UCP3: variants seen among roughly 807,000 people sequenced by gnomAD.
The protein encoded by UCP3 is uncoupling protein 3, also known as putative mitochondrial transporter UCP3.
A neutral mutation model predicts 28.1 loss-of-function variants in UCP3; 24 were observed. The observed-to-expected ratio is 0.85, with a 90% confidence interval of 0.62 to 1.20. The LOEUF (loss-of-function observed/expected upper bound fraction) is 1.20, where lower values mean the gene tolerates loss of function less well. UCP3 is among the 50% of genes most tolerant of loss of function. The probability of loss-of-function intolerance (pLI) is 0.00; values close to 1 mark genes in which losing one functional copy is unlikely to be tolerated. For synonymous variants in UCP3, 184 were observed against 171.2 expected (o/e 1.07, Z -0.59); for missense variants, 397 against 422.2 (o/e 0.94, Z 0.52).
intron 5 of UCP3, 51 bp downstream of exon 5, chr11:74,004,433 G>A: frequency 6.4e-7 from 1 of 1,569,770 alleles, no homozygotes; most frequent in Non-Finnish European, 8.8e-7. Flanking sequence ...CGGAGTTCTG[G>A]GTTCCCTCCC....
At position 74,004,668 on chromosome 11, in the gene UCP3, A is replaced by C. The variant is rs968730816; in HGVS notation, c.542-83T>G. 3 of 1,363,394 alleles carry C rather than the reference A, an allele frequency of 2.2e-6. No homozygotes were observed. In the Admixed American group the frequency reaches 5.4e-5, roughly 24 times the overall value. 84.5% of individuals were successfully genotyped at this position (1,363,394 alleles called of 1,614,324 possible). On this transcript the variant is annotated intron_variant, in intron 4 of 6. Coordinates refer to ENST00000314032, the MANE Select transcript of UCP3 (RefSeq NM_003356.4). ...TGGGAGAAATGGATGCCCTGGCTGC[A>C]AGGCCACAGGCCCCAGTTTTGGGGC...
At chr11:74,002,620 T>C (rs1352727422) in intron 6 of UCP3, 1 of 358,108 alleles carries the variant, frequency 2.8e-6, no homozygotes, top group Non-Finnish European at 3.9e-6. Flanking sequence ...CACCAACTTA[T>C]CTGCTGCTCT....
chr11:74,003,570 C>T, intron 6 of UCP3: 1 of 1,208,538 alleles, frequency 8.3e-7, no homozygotes, highest in South Asian at 2.5e-5. Flanking sequence ...CTCAGGATTG[C>T]TAACTTCCTC....
chr11:74,003,783 C>T (rs1352576533), intron 6 of UCP3, 44 bp downstream of exon 6: 5 of 1,534,332 alleles, frequency 3.3e-6, no homozygotes, highest in Non-Finnish European at 4.4e-6. Context: ...AGAAAGAAGC[C>T]CCTGTTCTCT....
In UCP3 at chr11:74,005,772, T is replaced by G. The variant is rs1383233993; in HGVS notation, c.499A>C (p.Arg167=). ...RKYSGTMDAY[R]TIAREEGVRG... is the part of the protein sequence containing the mutation. ...ACTCCTTCCTCCCTGGCGATGGTTC[T>G]GTAGGCGTCCATAGTCCCGCTGTAT... The change falls in exon 4 of 7, where the codon AGA becomes CGA. Residue 167 remains arginine (R), a synonymous_variant. Coordinates refer to ENST00000314032, the MANE Select transcript of UCP3 (RefSeq NM_003356.4). 2.5e-6 allele frequency: 4 copies of G among 1,614,122 alleles called. No homozygotes were observed. The highest frequency in any genetic ancestry group is 3.3e-4 in the Middle Eastern group (2 of 6,084).
chr11:74,005,318 C>G (rs1419717745), intron 4 of UCP3, among the ~76,000 whole-genome samples: 1 of 152,198 alleles, frequency 6.6e-6, no homozygotes, highest in Non-Finnish European at 1.5e-5. Flanking sequence ...GGCCCCTCCC[C>G]TTCCGTCTCC....
rs550813773 is a variant in UCP3 at position 74,001,635 on chromosome 11, C to T, written c.825-109G>A. On this transcript the variant is annotated intron_variant, in intron 6 of 6. Coordinates refer to ENST00000314032, the MANE Select transcript of UCP3 (RefSeq NM_003356.4). ...GTGCCAGAGGATCCAGACTTCTGTT[C>T]ATCACAAGCATTTTCTGAATCCTTT... 32 of 907,244 alleles carry T rather than the reference C, an allele frequency of 3.5e-5. 1 individual carries two copies. The South Asian group carries it at 3.5e-4, about 10-fold the overall frequency. The allele number at this position is 907,244 out of a possible 1,614,324, so 56.2% of individuals were successfully genotyped here. A position where few individuals can be genotyped will look rare whatever the true frequency, so the allele number is the denominator to read the frequency against.
At chr11:74,007,882 C>A (rs1436975178) in intron 1 of UCP3, among the ~76,000 whole-genome samples, 1 of 152,142 alleles carries the variant, frequency 6.6e-6, no homozygotes, top group African/African-American at 2.4e-5. Context: ...CTCTCCTAGA[C>A]CCCTAGCAGC....
chr11:74,003,077 GGCT>G, intron 6 of UCP3: 1 of 436,446 alleles, frequency 2.3e-6, no homozygotes, highest in Non-Finnish European at 3.0e-6. Flanking sequence ...CAGTTCAAGG[GGCT>G]GTTGGGATAA....
intron 4 of UCP3, among the ~76,000 whole-genome samples, chr11:74,005,304 T>C (rs73552726): frequency 0.019 from 2,822 of 152,218 alleles, 77 homozygotes; most frequent in African/African-American, 0.063. Flanking sequence ...GGACCCTGCT[T>C]GAGGGCCCCT....
Position 74,003,884 on chromosome 11 carries a change from G to C in UCP3, c.767C>G (p.Pro256Arg), listed in dbSNP as rs564695156. The C allele has an allele frequency of 7.6e-5, 122 of 1,614,130 alleles. 1 individual carries two copies. In the South Asian group the frequency reaches 1.3e-3, roughly 17 times the overall value. ...CACCATCTTTATCATACAGTCGAGGGGGCTGAAGTACTGGCCTGGAGGTGA... is the reference window on the plus strand; with the variant it reads ...CACCATCTTTATCATACAGTCGAGGCGGCTGAAGTACTGGCCTGGAGGTGA... ...MNSPPGQYFSPLDCMIKMVAQ... is the reference protein window; with the variant it reads ...MNSPPGQYFSRLDCMIKMVAQ... The change falls in exon 6 of 7, where the codon CCC (proline) becomes CGC (arginine). Residue 256 changes from proline to arginine, a missense_variant. Physicochemically the swap from Pro to Arg is moderately radical, Grantham distance 103. Transcript: ENST00000314032.
intron 6 of UCP3, chr11:74,001,811 C>T (rs1305599557): frequency 2.5e-6 from 1 of 405,920 alleles, no homozygotes; most frequent in Admixed American, 3.9e-5. Flanking sequence ...TGCTGCCAGG[C>T]TCTTTTTCAC....
At chr11:74,001,607 GT>G in intron 6 of UCP3, 81 bp from the exon 7 acceptor site, 1 of 1,234,300 alleles carries the variant, frequency 8.1e-7, no homozygotes, top group South Asian at 1.2e-5. Context: ...GGACACAGTG[GT>G]AGTGCCAGAG....
At chr11:74,005,499 T>C (rs1315610612) in intron 4 of UCP3, among the ~76,000 whole-genome samples, 2 of 152,216 alleles carry the variant, frequency 1.3e-5, no homozygotes, top group Non-Finnish European at 2.9e-5. Flanking sequence ...GAAGGTGTCT[T>C]AAGTTCATTT....
At chr11:74,002,729 C>T (rs1236436404) in intron 6 of UCP3, 9 of 984,114 alleles carry the variant, frequency 9.1e-6, no homozygotes, top group African/African-American at 1.7e-5. Context: ...CAGCTGAAGA[C>T]TGTAATGATA....
chr11:74,005,764 G>A lies in UCP3; in HGVS notation c.507C>T (p.Ile169=), dbSNP rs376848921. ...GGCCCCTGACTCCTTCCTCCCTGGC[G>A]ATGGTTCTGTAGGCGTCCATAGTCC... ...YSGTMDAYRT[I]AREEGVRGLW... Residue 169 remains isoleucine, a synonymous_variant, in exon 4 of 7, where the codon ATC becomes ATT. Transcript: ENST00000314032. The A allele has an allele frequency of 4.8e-5, 77 of 1,614,040 alleles. No homozygotes were observed. The highest frequency in any genetic ancestry group is 1.1e-4 in the African/African-American group (8 of 74,912).
intron 4 of UCP3, 123 bp from the exon 5 acceptor site, chr11:74,004,708 C>G (rs957638656): frequency 4.7e-6 from 4 of 844,732 alleles, no homozygotes; most frequent in Non-Finnish European, 7.5e-6. Flanking sequence ...GTGCCCCATT[C>G]CAATGGTCTC....
At chr11:74,003,511 GCCA>G in intron 6 of UCP3, 1 of 1,066,750 alleles carries the variant, frequency 9.4e-7, no homozygotes, top group Non-Finnish European at 1.1e-6. Context: ...GAAGGCACTG[GCCA>G]TGGTCAGTGT....
intron 3 of UCP3, 102 bp from the exon 4 acceptor site, chr11:74,006,035 T>C: frequency 6.4e-7 from 1 of 1,559,882 alleles, no homozygotes; most frequent in East Asian, 2.3e-5. Flanking sequence ...TGATGTCCAC[T>C]CAGAGCCTCC....
Sources: gnomAD v4.1 joint callset for allele counts (sites outside exome capture counted in the v4.1 genomes callset) on GRCh38, gnomAD v4.1.1 for gene constraint, MANE v1.5 for transcripts, NCBI Gene and HGNC (gene_info 2026-07-23, HGNC 2026-07-21) for gene names.